Variants in MYO15B observed in about 807,000 individuals in gnomAD.
The protein encoded by MYO15B is myosin XVB pseudogene.
Under a neutral mutation model 119.3 loss-of-function variants are expected in MYO15B, and 207 were observed. The ratio of observed to expected loss-of-function variants is 1.73; its 90% CI spans 1.55 to 1.95. The LOEUF (loss-of-function observed/expected upper bound fraction) is 1.95, where lower values mean the gene tolerates loss of function less well. MYO15B is among the 30% of genes most tolerant of loss of function. The pLI, the probability that MYO15B is intolerant of heterozygous loss-of-function variation, is 0.00. For synonymous variants in MYO15B, 966 were observed against 498.9 expected, an observed-to-expected ratio of 1.94 and a Z score of -12.48; for missense variants, 2,264 against 1,203.1, an observed-to-expected ratio of 1.88 and a Z score of -13.04.
intron 41 of MYO15B, 102 bp downstream of exon 41, chr17:75,617,406 G>A (rs778108060): frequency 1.8e-6 from 1 of 569,686 alleles, no homozygotes; most frequent in Non-Finnish European, 3.1e-6. Context: ...CTGCGTGGCT[G>A]AGGCCAGCTG....
Position 75,589,617 on chromosome 17 carries a change from G to T in MYO15B, c.1560G>T (p.Pro520=), listed in dbSNP as rs923900923. The T allele has an allele frequency of 9.3e-5, 37 of 398,902 alleles. No homozygotes were observed. Among genetic ancestry groups the T allele is most frequent in the African/African-American group, 5.1e-4 (25 of 48,746 alleles). 24.7% of individuals were successfully genotyped at this position (398,902 alleles called of 1,614,324 possible). A position where few individuals can be genotyped will look rare whatever the true frequency, so the allele number is the denominator to read the frequency against. ...GGGCTTCCCCTGGTGGCCGCTCCCCGCAGGTCCCGACAAGCCCAGTCCCCG... is the reference window on the plus strand; with the variant it reads ...GGGCTTCCCCTGGTGGCCGCTCCCCTCAGGTCCCGACAAGCCCAGTCCCCG... Residue 520 remains proline (P), a synonymous_variant, in exon 1 of 64, where the codon CCG becomes CCT. Transcript: ENST00000645453. The surrounding 1 kb of genome is among the most constrained non-coding windows in gnomAD (Gnocchi z 4.2).
chr17:75,626,760 C>T, exon 64 of MYO15B: 2 of 543,486 alleles, frequency 3.7e-6, no homozygotes, highest in Non-Finnish European at 6.6e-6. Flanking sequence ...AGATGCCCAC[C>T]CGACCCCAGG....
rs1199915451 is a variant in MYO15B, at chr17:75,615,865, C to CA, written c.6012dup (p.Glu2005ArgfsTer13). On this transcript the variant is annotated frameshift_variant, in exon 36 of 64. Coordinates refer to ENST00000645453, the Ensembl canonical transcript of MYO15B. LOFTEE classifies it high-confidence loss of function. The stretch of plus-strand genomic sequence containing the variant: ...GAGAAGCCACAGCGTGACCTGGGAT[C>CA]AGAGGGTGGCTGCCTGAGGGTGAGG... 1 of 694,214 alleles carries CA rather than the reference C, an allele frequency of 1.4e-6. No homozygotes were observed. Among genetic ancestry groups the CA allele is most frequent in the Admixed American group, 2.1e-5 (1 of 48,378 alleles). 43.0% of individuals were successfully genotyped at this position (694,214 alleles called of 1,614,324 possible).
intron 41 of MYO15B, 137 bp downstream of exon 41, chr17:75,617,441 A>G: frequency 1.8e-6 from 1 of 564,658 alleles, no homozygotes; most frequent in Non-Finnish European, 3.1e-6. Context: ...CTTTGGAGCC[A>G]TACGTAGCTG....
chr17:75,587,961 G>A (rs1598666932), exon 1 of MYO15B: 2 of 396,998 alleles, frequency 5.0e-6, no homozygotes, highest in East Asian at 3.6e-5. Flanking sequence ...GAGCAGAGCC[G>A]GGTGGTGCAC....
At chr17:75,601,193 G>A (rs1396172709) in intron 14 of MYO15B, among the ~76,000 whole-genome samples, 2 of 151,932 alleles carry the variant, frequency 1.3e-5, no homozygotes, top group African/African-American at 2.4e-5. Flanking sequence ...GTGAGCCACC[G>A]CGCCCAGCCC....
At chr17:75,609,935 C>A (rs948827561) in intron 21 of MYO15B, among the ~76,000 whole-genome samples, 1 of 152,122 alleles carries the variant, frequency 6.6e-6, no homozygotes, top group Non-Finnish European at 1.5e-5. Context: ...AAGTGATCCA[C>A]CCGCCTTGGC....
At chr17:75,616,989 A>G (rs1039350948) in intron 40 of MYO15B, 28 bp downstream of exon 40, 6 of 702,602 alleles carry the variant, frequency 8.5e-6, no homozygotes, top group Non-Finnish European at 1.6e-5. Context: ...TCTCCCCCAG[A>G]GTGTGTGCTG....
chr17:75,621,044 C>T (rs1256028965), exon 50 of MYO15B: 5 of 702,870 alleles, frequency 7.1e-6, no homozygotes, highest in Non-Finnish European at 1.3e-5. Flanking sequence ...CCTGCCCACC[C>T]TTGGAGCCAG....
At chr17:75,612,002 G>A (rs1360318707) in exon 25 of MYO15B, 9 of 702,816 alleles carry the variant, frequency 1.3e-5, no homozygotes, top group East Asian at 2.7e-5. Flanking sequence ...CAGCTTCGTC[G>A]CCATCGGCTT....
intron 25 of MYO15B, 27 bp downstream of exon 25, chr17:75,612,043 C>CA: frequency 1.4e-6 from 1 of 702,060 alleles, no homozygotes; most frequent in Admixed American, 2.0e-5. Flanking sequence ...AAGCTCTTCC[C>CA]GCTGGCCTCA....
intron 33 of MYO15B, 97 bp from the exon 34 acceptor site, chr17:75,615,143 G>GC: frequency 3.0e-6 from 2 of 676,374 alleles, no homozygotes; most frequent in Admixed American, 4.1e-5. Flanking sequence ...GCCCTGGCCA[G>GC]CACCCCGGTG....
Position 75,612,960 on chromosome 17 carries a change from G to A in MYO15B, c.4732-14G>A, listed in dbSNP as rs955269323. ...AGCCCCGCACGTCCTGTCCTTACCCGGCTGTGTCGGCAGATGCTGCGGCTC... is the reference window on the plus strand; with the variant it reads ...AGCCCCGCACGTCCTGTCCTTACCCAGCTGTGTCGGCAGATGCTGCGGCTC... On this transcript the variant is annotated splice_polypyrimidine_tract_variant and intron_variant, in intron 26 of 63. Transcript: ENST00000645453. 32 of 687,372 alleles carry A rather than the reference G, an allele frequency of 4.7e-5. No homozygotes were observed. Among genetic ancestry groups the A allele is most frequent in the Admixed American group, 3.0e-4 (15 of 49,378 alleles). 42.6% of individuals were successfully genotyped at this position (687,372 alleles called of 1,614,324 possible).
chr17:75,624,791 C>G, exon 59 of MYO15B: 1 of 702,958 alleles, frequency 1.4e-6, no homozygotes, highest in South Asian at 1.5e-5. Context: ...GCGGCCCCTG[C>G]AGCCCGCCGA....
At chr17:75,595,267 T>TCACCCCA (rs2056781443) in intron 12 of MYO15B, among the ~76,000 whole-genome samples, 1 of 152,136 alleles carries the variant, frequency 6.6e-6, no homozygotes, top group Admixed American at 6.5e-5. Context: ...ACGATGCCCC[T>TCACCCCA]CACCCCACAC....
In MYO15B at chr17:75,588,771, G is replaced by A. The variant is rs114717599; in HGVS notation, c.714G>A (p.Gly238=). The change falls in exon 1 of 64, where the codon GGG becomes GGA. Residue 238 remains glycine (G), a synonymous_variant. Transcript: ENST00000645453. Reference sequence around the variant, plus strand: ...TGGGAGCCAGCGAGCATTCCGGCGGGGACTCCGACTCGAGTCCGCTGGGGA... The same window carrying A: ...TGGGAGCCAGCGAGCATTCCGGCGGAGACTCCGACTCGAGTCCGCTGGGGA... 1,126 of 398,706 alleles carry A rather than the reference G, an allele frequency of 2.8e-3. 7 individuals carry two copies. The highest frequency in any genetic ancestry group is 0.02 in the African/African-American group (995 of 48,754). 24.7% of individuals were successfully genotyped at this position (398,706 alleles called of 1,614,324 possible).
chr17:75,604,551 T>G (rs1277433676), intron 19 of MYO15B, among the ~76,000 whole-genome samples: 1 of 46,464 alleles, frequency 2.2e-5, no homozygotes, highest in Non-Finnish European at 4.3e-5. Flanking sequence ...CACCCCTCCC[T>G]CCCTCCCTCC....
intron 21 of MYO15B, among the ~76,000 whole-genome samples, chr17:75,606,520 C>G (rs1348171797): frequency 6.7e-6 from 1 of 150,352 alleles, no homozygotes; most frequent in Non-Finnish European, 1.5e-5. Context: ...GTTGCCCAGG[C>G]TGGAGTGTAA....
intron 12 of MYO15B, 197 bp downstream of exon 12, chr17:75,595,169 G>T (rs1278641867): frequency 1.0e-5 from 6 of 600,116 alleles, no homozygotes. Flanking sequence ...AGGTAAAGGA[G>T]TGGGGCTGCC....
Sources: allele counts gnomAD v4.1 joint callset (sites outside exome capture counted in the v4.1 genomes callset), GRCh38; gene constraint gnomAD v4.1.1; non-coding constraint Gnocchi (gnomAD v3.1); transcripts MANE v1.5; gene names NCBI Gene and HGNC (gene_info 2026-07-23, HGNC 2026-07-21).